The following IL31RA variants were observed in gnomAD, a reference collection of about 807,000 sequenced individuals.
The protein encoded by IL31RA is interleukin 31 receptor A, also known as interleukin-31 receptor subunit alpha.
In IL31RA, 66 loss-of-function variants were observed where a neutral mutation model predicts 83.7. That is an observed-to-expected ratio of 0.79 (90% CI 0.65 to 0.97). IL31RA has a LOEUF of 0.97. Ranked by LOEUF, IL31RA falls within the 50% of genes least tolerant of loss-of-function variation. The pLI is 0.00. For missense variants in IL31RA, 798 were observed against 919.4 expected (o/e 0.87, Z 1.71); for synonymous variants, 325 against 329.0 (o/e 0.99, Z 0.13).
At chr5:55,911,722 T>C (rs11956465) in intron 12 of IL31RA, among the ~76,000 whole-genome samples, 31,922 of 152,044 alleles carry the variant, frequency 0.21, 4,213 homozygotes, top group East Asian at 0.48. Flanking sequence ...TTTTGCTAAG[T>C]CCTTGAGTGA....
At chr5:55,858,505 G>A (rs6885112) in intron 1 of IL31RA, among the ~76,000 whole-genome samples, 1 of 152,210 alleles carries the variant, frequency 6.6e-6, no homozygotes, top group Admixed American at 6.5e-5. Context: ...ATCTTAGGCA[G>A]TTCCAATTCG....
chr5:55,882,939 A>G, intron 4 of IL31RA, 105 bp from the exon 5 acceptor site: 1 of 1,049,260 alleles, frequency 9.5e-7, no homozygotes, highest in Non-Finnish European at 1.5e-6. Flanking sequence ...CGTTCCATAT[A>G]GCAGACCACA....
intron 5 of IL31RA, among the ~76,000 whole-genome samples, chr5:55,884,671 T>C (rs1444684506): frequency 6.6e-6 from 1 of 152,222 alleles, no homozygotes; most frequent in Non-Finnish European, 1.5e-5. Flanking sequence ...TCCTCCTCTC[T>C]CAGCCTCCCA....
At chr5:55,847,246 A>T (rs200885248), upstream of IL31RA, among the ~76,000 whole-genome samples, 4 of 16,028 alleles carry the variant, frequency 2.5e-4, no homozygotes, top group African/African-American at 7.5e-4. Context: ...AAAAAATAAA[A>T]ATAAATAAAT....
chr5:55,846,109 G>A, the IL31RA span, among the ~76,000 whole-genome samples: 16 of 152,240 alleles, frequency 1.1e-4, no homozygotes, highest in Non-Finnish European at 2.4e-4. Context: ...TGTGTTCTGG[G>A]GAGCTGTGAT....
rs1474358369 is a variant in IL31RA, at chr5:55,868,916, C to T, written c.272+8C>T. The T allele has an allele frequency of 1.5e-6, 2 of 1,369,598 alleles. No homozygotes were observed. The highest frequency in any genetic ancestry group is 2.1e-6 in the Non-Finnish European group (2 of 957,982). 84.8% of individuals were successfully genotyped at this position (1,369,598 alleles called of 1,614,324 possible). ...CACAGTTAAGAGAACTTAGTAAGTA[C>T]AGGAGCTTGTGTTTTATCAGTCAGG... On this transcript the variant is annotated splice_region_variant and intron_variant, in intron 3 of 14. Coordinates refer to ENST00000652347, the MANE Select transcript of IL31RA (RefSeq NM_139017.7).
chr5:55,865,281 T>C (rs571318405), intron 2 of IL31RA, among the ~76,000 whole-genome samples: 6 of 152,316 alleles, frequency 3.9e-5, no homozygotes, highest in South Asian at 2.1e-4. Context: ...AGCATGCAAG[T>C]AGCAAAGATA....
At chr5:55,905,413 G>C (rs1749087272) in intron 8 of IL31RA, among the ~76,000 whole-genome samples, 2 of 152,232 alleles carry the variant, frequency 1.3e-5, no homozygotes, top group African/African-American at 4.8e-5. Flanking sequence ...AATATTTTCA[G>C]TAAGATCTCT....
intron 6 of IL31RA, among the ~76,000 whole-genome samples, chr5:55,891,846 G>A (rs1034055103): frequency 3.3e-5 from 4 of 120,880 alleles, no homozygotes; most frequent in African/African-American, 1.3e-4. Flanking sequence ...TGTGATCTCC[G>A]CTCACCGCAA....
At chr5:55,865,232 CA>C (rs1237480418) in intron 2 of IL31RA, among the ~76,000 whole-genome samples, 4 of 152,174 alleles carry the variant, frequency 2.6e-5, no homozygotes, top group Non-Finnish European at 5.9e-5. Context: ...TCTTTTTAAG[CA>C]TTTGGATCTG....
intron 6 of IL31RA, among the ~76,000 whole-genome samples, chr5:55,894,751 C>G (rs1303918886): frequency 1.3e-5 from 2 of 152,180 alleles, no homozygotes; most frequent in Non-Finnish European, 2.9e-5. Context: ...ACGACTCGCT[C>G]TGTTTCCCAG....
At chr5:55,869,208 G>A (rs1204124957) in intron 3 of IL31RA, among the ~76,000 whole-genome samples, 1 of 152,174 alleles carries the variant, frequency 6.6e-6, no homozygotes, top group Non-Finnish European at 1.5e-5. Context: ...TTTCCAGAAT[G>A]TGTTATATAA....
At chr5:55,842,348 A>G in the IL31RA span, among the ~76,000 whole-genome samples, 1 of 152,194 alleles carries the variant, frequency 6.6e-6, no homozygotes, top group Non-Finnish European at 1.5e-5. Flanking sequence ...TACCAGGTAG[A>G]CATATCTTCT....
intron 8 of IL31RA, among the ~76,000 whole-genome samples, chr5:55,905,094 G>A (rs186722329): frequency 5.9e-5 from 9 of 151,456 alleles, no homozygotes; most frequent in East Asian, 3.9e-4. Flanking sequence ...CCAGCTACTC[G>A]GGAGGCTGAG....
chr5:55,851,616 G>T lies in IL31RA; in HGVS notation c.46G>T (p.Glu16Ter). The change falls in exon 1 of 15, where the codon GAA (glutamate) becomes TAA (stop). Residue 16 changes from glutamate to a stop codon, truncating the protein, a stop_gained. Coordinates refer to ENST00000652347, the MANE Select transcript of IL31RA (RefSeq NM_139017.7). LOFTEE classifies it high-confidence loss of function. Reference sequence around the variant, plus strand: ...GTTTTTCACCACGGCATGTGTCTGTGAATGTCCGCAAAACATTGTGAGTAT... The same window carrying T: ...GTTTTTCACCACGGCATGTGTCTGTTAATGTCCGCAAAACATTGTGAGTAT... ...LKFFTTACVC[E>*]CPQNILSPQP... 1 of 1,613,946 alleles carries T rather than the reference G, an allele frequency of 6.2e-7. No homozygotes were observed. Among genetic ancestry groups the T allele is most frequent in the South Asian group, 1.1e-5 (1 of 91,070 alleles).
rs71584208 is a variant in IL31RA, at chr5:55,867,181, ATGTGTGTTTG to A, written c.155-1592_155-1583del. Among the ~76,000 whole-genome samples the A allele has an allele frequency of 4.4e-4, 20 of 45,880 alleles. 3 individuals are homozygous for A. The highest frequency in any genetic ancestry group is 6.7e-4 in the Admixed American group (5 of 7,444). 30.1% of individuals were successfully genotyped at this position (45,880 alleles called of 152,430 possible). On this transcript the variant is annotated intron_variant, in intron 2 of 14. Coordinates refer to ENST00000652347, the MANE Select transcript of IL31RA (RefSeq NM_139017.7). ...TTTGTGTGTGTGCATGTGTGTGTGCATGTGTGTTTGTGTGTGTTTGTGTGTGTGCGCATGT... is the reference window on the plus strand; with the variant it reads ...TTTGTGTGTGTGCATGTGTGTGTGCATGTGTGTTTGTGTGTGTGCGCATGT...
chr5:55,865,240 T>A (rs1186006258), intron 2 of IL31RA, among the ~76,000 whole-genome samples: 1 of 152,212 alleles, frequency 6.6e-6, no homozygotes, highest in Non-Finnish European at 1.5e-5. Context: ...AGCATTTGGA[T>A]CTGGAGATCA....
chr5:55,917,332 A>C lies in IL31RA; in HGVS notation c.*212A>C, dbSNP rs1348189382. 5.2e-5 allele frequency: 75 copies of C among 1,436,048 alleles called. No individual in the cohort carries two copies. Among genetic ancestry groups the C allele is most frequent in the Non-Finnish European group, 6.1e-5 (67 of 1,098,408 alleles). The allele number at this position is 1,436,048 out of a possible 1,614,324, so 89.0% of individuals were successfully genotyped here. A position where few individuals can be genotyped will look rare whatever the true frequency, so the allele number is the denominator to read the frequency against. ...GATGGTGATAAGCCCGAGTTTTGTA[A>C]AGGAACAGCAGTCTCTTTTCGTTTG... On this transcript the variant is annotated 3_prime_UTR_variant, in exon 15 of 15. Coordinates refer to ENST00000652347, the MANE Select transcript of IL31RA (RefSeq NM_139017.7).
chr5:55,907,331 T>TA (rs1418750593), intron 9 of IL31RA, 28 bp from the exon 10 acceptor site: 16 of 1,461,584 alleles, frequency 1.1e-5, no homozygotes, highest in Non-Finnish European at 1.4e-5. Flanking sequence ...GCTCTGCACT[T>TA]ACACTTTTTT....
Sources: allele counts gnomAD v4.1 joint callset (sites outside exome capture counted in the v4.1 genomes callset), GRCh38; gene constraint gnomAD v4.1.1; transcripts MANE v1.5; gene names NCBI Gene and HGNC (gene_info 2026-07-23, HGNC 2026-07-21).